DYNC2I1: variants seen among roughly 807,000 people sequenced by gnomAD.
The protein encoded by DYNC2I1 is cytoplasmic dynein 2 intermediate chain 1.
Under a neutral mutation model 133.4 loss-of-function variants are expected in DYNC2I1, and 89 were observed. The observed-to-expected ratio is 0.67, with a 90% CI of 0.56 to 0.80. The LOEUF is 0.80. Among genes scored for constraint, DYNC2I1 ranks in the 30% least tolerant of loss-of-function variants. DYNC2I1 has a pLI of 0.00. For synonymous variants in DYNC2I1, 504 were observed against 484.3 expected (o/e 1.04, Z -0.54); for missense variants, 1,291 against 1,314.5 (o/e 0.98, Z 0.28).
At chr7:158,928,345 C>T (rs1849835986) in intron 20 of DYNC2I1, among the ~76,000 whole-genome samples, 1 of 152,060 alleles carries the variant, frequency 6.6e-6, no homozygotes, top group African/African-American at 2.4e-5. Context: ...TTTCACCTTG[C>T]TTGAATCAGG....
intron 7 of DYNC2I1, 99 bp downstream of exon 7, chr7:158,887,174 G>C: frequency 8.4e-7 from 1 of 1,195,508 alleles, no homozygotes; most frequent in Non-Finnish European, 1.2e-6. Context: ...GGCCGAGACA[G>C]GGCTCATTTG....
intron 1 of DYNC2I1, among the ~76,000 whole-genome samples, chr7:158,865,633 G>C (rs1017554858): frequency 1.3e-5 from 2 of 152,190 alleles, no homozygotes; most frequent in Non-Finnish European, 2.9e-5. Context: ...TAGCTCTCCT[G>C]AGTCTCCTCA....
chr7:158,899,891 C>T (rs920173239), intron 8 of DYNC2I1, among the ~76,000 whole-genome samples: 1 of 152,122 alleles, frequency 6.6e-6, no homozygotes, highest in Non-Finnish European at 1.5e-5. Flanking sequence ...ACTAATACAC[C>T]TTCTTTCTGA....
Position 158,926,538 on chromosome 7 carries a change from G to T in DYNC2I1, c.2433+75G>T, listed in dbSNP as rs751316299. ...TGGGTGGAGGTGGCGCCTGAATGGC[G>T]CAGGGGGCGGGACCCAGTTAGCTGT... On this transcript the variant is annotated intron_variant, in intron 19 of 24. Coordinates refer to ENST00000407559, the MANE Select transcript of DYNC2I1 (RefSeq NM_018051.5). 5 of 1,498,024 alleles carry T rather than the reference G, an allele frequency of 3.3e-6. No individual in the cohort carries two copies. The Admixed American group carries it at 9.5e-5, about 28-fold the overall frequency. The allele number at this position is 1,498,024 out of a possible 1,614,324, so 92.8% of individuals were successfully genotyped here. A position where few individuals can be genotyped will look rare whatever the true frequency, so the allele number is the denominator to read the frequency against.
the DYNC2I1 span, among the ~76,000 whole-genome samples, chr7:158,841,384 T>A: frequency 6.6e-6 from 1 of 151,742 alleles, no homozygotes; most frequent in African/African-American, 2.4e-5. Flanking sequence ...AGATAATTTT[T>A]GTGGTTTTGG....
chr7:158,893,353 A>G (rs371796191), intron 8 of DYNC2I1, among the ~76,000 whole-genome samples: 135 of 152,320 alleles, frequency 8.9e-4, no homozygotes, highest in African/African-American at 3.2e-3. Context: ...GTTACATCCC[A>G]GTAAACCCAT....
rs1846350141 is a variant in DYNC2I1, at chr7:158,902,489, A to C, written c.1251A>C (p.Gln417His). The change falls in exon 10 of 25, where the codon CAA (glutamine) becomes CAC (histidine). Residue 417 changes from glutamine to histidine, a missense_variant. By Grantham distance (24) the Gln-to-His change is conservative. Coordinates refer to ENST00000407559, the MANE Select transcript of DYNC2I1 (RefSeq NM_018051.5). ...CTCTAGCTCAAAAAAAGGAAATACAAGAAATTCAAAGAGCTATTAATGCAG... is the reference window on the plus strand; with the variant it reads ...CTCTAGCTCAAAAAAAGGAAATACACGAAATTCAAAGAGCTATTAATGCAG... ...ELPLAQKKEI[Q>H]EIQRAINAEN... The C allele has an allele frequency of 6.2e-7, 1 of 1,614,058 alleles. No individual in the cohort carries two copies. The highest frequency in any genetic ancestry group is 1.7e-5 in the Admixed American group (1 of 60,034).
intron 5 of DYNC2I1, among the ~76,000 whole-genome samples, chr7:158,881,880 A>G (rs560301255): frequency 6.6e-6 from 1 of 152,306 alleles, no homozygotes; most frequent in East Asian, 1.9e-4. Context: ...TCTTGTACCC[A>G]TAACTTAGAC....
chr7:158,937,869 C>T (rs1429837150), intron 23 of DYNC2I1, among the ~76,000 whole-genome samples: 3 of 152,086 alleles, frequency 2.0e-5, no homozygotes, highest in Non-Finnish European at 4.4e-5. Flanking sequence ...CATTGTCCTC[C>T]AGCCTGGGTG....
intron 6 of DYNC2I1, among the ~76,000 whole-genome samples, chr7:158,885,041 C>T (rs1330932955): frequency 1.3e-5 from 2 of 152,086 alleles, no homozygotes; most frequent in South Asian, 2.1e-4. Flanking sequence ...AAAGCAAATC[C>T]GCAGGTGGGC....
intron 12 of DYNC2I1, 71 bp from the exon 13 acceptor site, chr7:158,912,914 A>T: frequency 9.2e-7 from 1 of 1,084,512 alleles, no homozygotes; most frequent in Non-Finnish European, 1.3e-6. Flanking sequence ...GACTCTCATT[A>T]TTATTTCAGT....
chr7:158,857,534 G>GTTTTTTTTTTTT (rs374994955), intron 1 of DYNC2I1, among the ~76,000 whole-genome samples: 2 of 131,398 alleles, frequency 1.5e-5, no homozygotes, highest in African/African-American at 6.2e-5. Context: ...TAAACCTTAG[G>GTTTTTTTTTTTT]TTTTTGTTTT....
At chr7:158,841,210 TA>T in the DYNC2I1 span, among the ~76,000 whole-genome samples, 126 of 84,110 alleles carry the variant, frequency 1.5e-3, 1 homozygote, top group South Asian at 2.0e-3. Flanking sequence ...TATATATATA[TA>T]TATATATATA....
At chr7:158,851,129 A>G in the DYNC2I1 span, among the ~76,000 whole-genome samples, 1 of 152,250 alleles carries the variant, frequency 6.6e-6, no homozygotes, top group Admixed American at 6.5e-5. Flanking sequence ...TTTGCAAATT[A>G]TTTGTGATTT....
chr7:158,937,055 T>TGA (rs936921041), intron 23 of DYNC2I1, among the ~76,000 whole-genome samples: 1 of 152,184 alleles, frequency 6.6e-6, no homozygotes, highest in Non-Finnish European at 1.5e-5. Flanking sequence ...AAAAATCCAG[T>TGA]GACTGACCTA....
chr7:158,863,421 C>T (rs918182528), intron 1 of DYNC2I1, among the ~76,000 whole-genome samples: 2 of 152,056 alleles, frequency 1.3e-5, no homozygotes, highest in African/African-American at 4.8e-5. Context: ...GAGGCTTCAC[C>T]TCTGGGCACC....
intron 6 of DYNC2I1, among the ~76,000 whole-genome samples, chr7:158,884,921 C>A (rs1191425675): frequency 1.3e-5 from 2 of 151,864 alleles, no homozygotes; most frequent in African/African-American, 4.8e-5. Flanking sequence ...TACTTTTGTC[C>A]TTTTTAACAT....
At chr7:158,863,963 T>G (rs1186074175) in intron 1 of DYNC2I1, among the ~76,000 whole-genome samples, 1 of 122,590 alleles carries the variant, frequency 8.2e-6, no homozygotes, top group African/African-American at 3.2e-5. Context: ...CGTCCTTAGC[T>G]CCTGGTGTTG....
At chr7:158,889,315 C>T (rs1326041251) in intron 7 of DYNC2I1, among the ~76,000 whole-genome samples, 1 of 151,752 alleles carries the variant, frequency 6.6e-6, no homozygotes, top group Non-Finnish European at 1.5e-5. Flanking sequence ...CTCCTGACCT[C>T]ATGATCCACC....
Sources: allele counts gnomAD v4.1 joint callset (sites outside exome capture counted in the v4.1 genomes callset), GRCh38; gene constraint gnomAD v4.1.1; transcripts MANE v1.5; gene names NCBI Gene and HGNC (gene_info 2026-07-23, HGNC 2026-07-21).